Variants in DPYD observed in about 807,000 individuals in gnomAD.
DPYD encodes the protein dihydropyrimidine dehydrogenase, also known as dihydropyrimidine dehydrogenase [NADP(+)].
A neutral mutation model predicts 116.2 loss-of-function variants in DPYD; 109 were observed. The ratio of observed to expected loss-of-function variants is 0.94; its 90% CI spans 0.80 to 1.10. The LOEUF is 1.10. Among genes scored for constraint, DPYD ranks in the 50% least tolerant of loss-of-function variants. The pLI, the probability that DPYD is intolerant of heterozygous loss-of-function variation, is 0.00. For synonymous variants in DPYD, 440 were observed against 432.0 expected (o/e 1.02, Z -0.23); for missense variants, 1,302 against 1,254.5 (o/e 1.04, Z -0.57).
chr1:97,666,563 A>C (rs1314243740), intron 8 of DPYD, among the ~76,000 whole-genome samples: 5 of 152,176 alleles, frequency 3.3e-5, no homozygotes, highest in Non-Finnish European at 7.4e-5. Context: ...AGGACAAAAC[A>C]CTACACTTTA....
chr1:97,191,557 C>A (rs2101820617), intron 20 of DPYD, among the ~76,000 whole-genome samples: 2 of 152,248 alleles, frequency 1.3e-5, no homozygotes, highest in East Asian at 3.9e-4. Flanking sequence ...AAATCAGTTT[C>A]CATTTATGTC....
intron 12 of DPYD, among the ~76,000 whole-genome samples, chr1:97,539,573 C>T (rs1050653462): frequency 2.0e-5 from 3 of 152,176 alleles, no homozygotes; most frequent in Admixed American, 1.3e-4. Flanking sequence ...GTAATAAATA[C>T]TGTGGCTTTT....
chr1:97,182,243 C>G (rs1657696416), intron 20 of DPYD, among the ~76,000 whole-genome samples: 1 of 152,080 alleles, frequency 6.6e-6, no homozygotes, highest in Non-Finnish European at 1.5e-5. Context: ...AAACAGGTGT[C>G]TGTCTTATTT....
At chr1:97,525,501 CAG>C (rs750688293) in intron 12 of DPYD, among the ~76,000 whole-genome samples, 3 of 152,042 alleles carry the variant, frequency 2.0e-5, no homozygotes, top group Non-Finnish European at 2.9e-5. Context: ...TAAGACTTGG[CAG>C]AGAGATACTC....
chr1:97,672,773 C>T (rs764141327), intron 8 of DPYD, among the ~76,000 whole-genome samples: 2 of 151,970 alleles, frequency 1.3e-5, no homozygotes, highest in Non-Finnish European at 2.9e-5. Context: ...ATAATTCTGG[C>T]TTTGTGAAGG....
At chr1:97,700,605 G>T (rs1661543639) in intron 5 of DPYD, among the ~76,000 whole-genome samples, 1 of 151,954 alleles carries the variant, frequency 6.6e-6, no homozygotes, top group Non-Finnish European at 1.5e-5. Flanking sequence ...TGCACTTTCT[G>T]TGAATAATAA....
chr1:97,838,728 C>G (rs1669896283), intron 2 of DPYD, among the ~76,000 whole-genome samples: 2 of 152,088 alleles, frequency 1.3e-5, no homozygotes, highest in South Asian at 4.2e-4. Flanking sequence ...GCCTGTAGTC[C>G]CAGGTACTTG....
intron 14 of DPYD, among the ~76,000 whole-genome samples, chr1:97,442,826 T>A (rs1570741088): frequency 6.6e-6 from 1 of 152,192 alleles, no homozygotes; most frequent in East Asian, 1.9e-4. Flanking sequence ...TTGGGCAATA[T>A]ACTTTAAAAG....
intron 3 of DPYD, among the ~76,000 whole-genome samples, chr1:97,801,230 C>T (rs1667829652): frequency 6.6e-6 from 1 of 151,884 alleles, no homozygotes; most frequent in Non-Finnish European, 1.5e-5. Flanking sequence ...GAAGACAATA[C>T]TCTGAAAGTC....
intron 21 of DPYD, among the ~76,000 whole-genome samples, chr1:97,096,929 C>T (rs565083782): frequency 2.0e-5 from 3 of 152,276 alleles, no homozygotes; most frequent in Non-Finnish European, 2.9e-5. Flanking sequence ...CGAAGGTCCA[C>T]GGCTTCATTC....
intron 19 of DPYD, among the ~76,000 whole-genome samples, chr1:97,217,597 T>C (rs1660498242): frequency 1.3e-5 from 2 of 152,144 alleles, no homozygotes; most frequent in Admixed American, 1.3e-4. Flanking sequence ...CCCAAATTGT[T>C]TGCTTATTTT....
At chr1:97,900,934 T>C (rs1254826253) in intron 1 of DPYD, among the ~76,000 whole-genome samples, 1 of 151,874 alleles carries the variant, frequency 6.6e-6, no homozygotes, top group Admixed American at 6.6e-5. Context: ...GTGTTCTCAG[T>C]CTAATATATA....
At chr1:97,459,292 G>C (rs1676884847) in intron 13 of DPYD, among the ~76,000 whole-genome samples, 1 of 152,108 alleles carries the variant, frequency 6.6e-6, no homozygotes, top group Non-Finnish European at 1.5e-5. Context: ...AAGAGACATG[G>C]AGAATAGCTT....
intron 7 of DPYD, among the ~76,000 whole-genome samples, chr1:97,688,677 C>T (rs1357025422): frequency 1.3e-5 from 2 of 151,888 alleles, no homozygotes; most frequent in East Asian, 3.9e-4. Flanking sequence ...TAAAGCAAAA[C>T]AAAACAAAAA....
chr1:97,496,327 T>C (rs1305300866), intron 13 of DPYD, among the ~76,000 whole-genome samples: 3 of 152,068 alleles, frequency 2.0e-5, no homozygotes, highest in African/African-American at 7.2e-5. Context: ...ATCCTCAACA[T>C]CCAAGCACAT....
In DPYD at chr1:97,235,103, A is replaced by G. The variant is rs672601279; in HGVS notation, c.2300-109T>C. The G allele has an allele frequency of 5.4e-6, 7 of 1,289,446 alleles. No individual in the cohort carries two copies. In the African/African-American group the frequency reaches 7.3e-5, roughly 13 times the overall value. The allele number at this position is 1,289,446 out of a possible 1,614,324, so 79.9% of individuals were successfully genotyped here. A position where few individuals can be genotyped will look rare whatever the true frequency, so the allele number is the denominator to read the frequency against. ...ATGACAGCGTCACTGGACAAATTTC[A>G]AATTACTTTATCTCTGTTTAAGATG... On this transcript the variant is annotated intron_variant, in intron 18 of 22. Coordinates refer to ENST00000370192, the MANE Select transcript of DPYD (RefSeq NM_000110.4).
intron 1 of DPYD, among the ~76,000 whole-genome samples, chr1:97,888,485 T>A (rs775373124): frequency 1.3e-5 from 2 of 151,678 alleles, no homozygotes; most frequent in African/African-American, 4.8e-5. Context: ...ATTTTTTTTT[T>A]AATAAAGTAG....
intron 3 of DPYD, among the ~76,000 whole-genome samples, chr1:97,771,574 A>C (rs141055361): frequency 7.2e-5 from 11 of 152,330 alleles, no homozygotes; most frequent in African/African-American, 2.4e-4. Flanking sequence ...AGAAAATTAA[A>C]TCATGGTATG....
chr1:97,707,419 A>G (rs895417086), intron 5 of DPYD, among the ~76,000 whole-genome samples: 1 of 147,720 alleles, frequency 6.8e-6, no homozygotes, highest in African/African-American at 2.5e-5. Flanking sequence ...CATTAGGTAT[A>G]TCTCCCAGTG....
Sources: allele counts gnomAD v4.1 joint callset (sites outside exome capture counted in the v4.1 genomes callset), GRCh38; gene constraint gnomAD v4.1.1; transcripts MANE v1.5; gene names NCBI Gene and HGNC (gene_info 2026-07-23, HGNC 2026-07-21).